NRG3: variants seen among roughly 807,000 people sequenced by gnomAD.
NRG3 encodes the protein pro-neuregulin-3, membrane-bound isoform.
A neutral mutation model predicts 66.9 loss-of-function variants in NRG3; 31 were observed. The observed-to-expected ratio is 0.46, with a 90% confidence interval of 0.35 to 0.63. NRG3 has a LOEUF of 0.63. NRG3 is among the 20% of genes least tolerant of loss of function. The pLI, the probability that NRG3 is intolerant of heterozygous loss-of-function variation, is 0.00. For missense variants in NRG3, 910 were observed against 878.9 expected (o/e 1.04, Z -0.45); for synonymous variants, 393 against 359.4 (o/e 1.09, Z -1.06).
intron 3 of NRG3, among the ~76,000 whole-genome samples, chr10:82,831,641 C>T (rs1247049752): frequency 6.6e-6 from 1 of 152,000 alleles, no homozygotes; most frequent in Non-Finnish European, 1.5e-5. Context: ...AGGGTGAAAC[C>T]TGTCTCTACT....
At chr10:82,104,529 G>A (rs1200433726) in intron 1 of NRG3, among the ~76,000 whole-genome samples, 1 of 152,128 alleles carries the variant, frequency 6.6e-6, no homozygotes, top group Non-Finnish European at 1.5e-5. Flanking sequence ...CAGTAAAACT[G>A]TTCTTAGACA....
rs530493142 is a variant in NRG3, at chr10:82,124,569, G to C, written c.824-234170G>C. On this transcript the variant is annotated intron_variant, in intron 1 of 8. Coordinates refer to ENST00000372141, the MANE Select transcript of NRG3 (RefSeq NM_001010848.4). Reference sequence around the variant, plus strand: ...GTCACACAACGGGGCCTGTCGGGGGGTGGAGGGCAAGAGGAGGGAGAACAT... The same window carrying C: ...GTCACACAACGGGGCCTGTCGGGGGCTGGAGGGCAAGAGGAGGGAGAACAT... Among the ~76,000 whole-genome samples, 183 of 151,820 alleles carry C rather than the reference G, an allele frequency of 1.2e-3. 3 individuals are homozygous for C. The highest frequency in any genetic ancestry group is 2.0e-3 in the Non-Finnish European group (138 of 67,912).
intron 2 of NRG3, among the ~76,000 whole-genome samples, chr10:82,483,090 G>A (rs1320001394): frequency 1.3e-5 from 2 of 152,096 alleles, no homozygotes; most frequent in East Asian, 3.9e-4. Flanking sequence ...GGGCAGATGG[G>A]CCCAAACAGA....
intron 1 of NRG3, among the ~76,000 whole-genome samples, chr10:82,137,565 T>C (rs147281253): frequency 3.3e-5 from 5 of 152,280 alleles, no homozygotes; most frequent in African/African-American, 1.2e-4. Flanking sequence ...TGATCAGTTA[T>C]TTAGACACAT....
chr10:82,018,956 G>T (rs1357753049), intron 1 of NRG3, among the ~76,000 whole-genome samples: 1 of 152,100 alleles, frequency 6.6e-6, no homozygotes, highest in African/African-American at 2.4e-5. Flanking sequence ...GCCCTGGCCA[G>T]AACTTCCAAC....
chr10:82,718,527 G>A (rs1005938321), intron 2 of NRG3, among the ~76,000 whole-genome samples: 1 of 152,146 alleles, frequency 6.6e-6, no homozygotes, highest in African/African-American at 2.4e-5. Context: ...GAAAACTCAT[G>A]GTCAAAAAGG....
In NRG3 at chr10:82,571,808, T is replaced by C. The variant is rs560307804; in HGVS notation, c.954-166769T>C. Among the ~76,000 whole-genome samples the C allele has an allele frequency of 1.4e-3, 208 of 151,772 alleles. No homozygotes were observed. In the Middle Eastern group the frequency reaches 0.024, roughly 17 times the overall value. The stretch of plus-strand genomic sequence containing the variant: ...ATACAAAAAGCCCATGGTGAATAAC[T>C]AGTGATTACTTTGTATAAATAAAAA... On this transcript the variant is annotated intron_variant, in intron 2 of 8. Transcript: ENST00000372141.
chr10:82,052,836 G>A (rs1407748118), intron 1 of NRG3, among the ~76,000 whole-genome samples: 5 of 152,034 alleles, frequency 3.3e-5, no homozygotes, highest in Admixed American at 3.3e-4. Flanking sequence ...ATTAAAAATG[G>A]ACATAAGGAA....
chr10:82,612,352 C>G (rs1357074095), intron 2 of NRG3, among the ~76,000 whole-genome samples: 1 of 151,388 alleles, frequency 6.6e-6, no homozygotes, highest in African/African-American at 2.4e-5. Flanking sequence ...TTTTTAATTG[C>G]TTTTGTTTAA....
intron 1 of NRG3, among the ~76,000 whole-genome samples, chr10:82,111,905 C>G (rs760440299): frequency 6.6e-6 from 1 of 152,136 alleles, no homozygotes; most frequent in African/African-American, 2.4e-5. Flanking sequence ...TCCTTTTCTA[C>G]TAATCCAATA....
intron 3 of NRG3, among the ~76,000 whole-genome samples, chr10:82,768,490 G>A (rs1239363869): frequency 6.6e-6 from 1 of 152,014 alleles, no homozygotes; most frequent in Non-Finnish European, 1.5e-5. Flanking sequence ...GATGCATGTG[G>A]TTAATCCCTC....
chr10:82,663,132 A>G (rs2052496959), intron 2 of NRG3, among the ~76,000 whole-genome samples: 1 of 152,232 alleles, frequency 6.6e-6, no homozygotes, highest in Non-Finnish European at 1.5e-5. Flanking sequence ...GCAAAAAGGT[A>G]TAATTATTCC....
Position 82,600,327 on chromosome 10 carries a change from GA to G in NRG3, c.954-138242del, listed in dbSNP as rs1034752917. Among the ~76,000 whole-genome samples, 7 of 151,394 alleles carry G rather than the reference GA, an allele frequency of 4.6e-5. No individual in the cohort carries two copies. The East Asian group carries it at 5.8e-4, about 13-fold the overall frequency. On this transcript the variant is annotated intron_variant, in intron 2 of 8. Coordinates refer to ENST00000372141, the MANE Select transcript of NRG3 (RefSeq NM_001010848.4). Reference sequence around the variant, plus strand: ...ACACATATTAACATGTATAAATTCTGAAAAAAAATGTAATAATTACAATTTC... The same window carrying G: ...ACACATATTAACATGTATAAATTCTGAAAAAAATGTAATAATTACAATTTC...
intron 1 of NRG3, among the ~76,000 whole-genome samples, chr10:82,005,147 T>G (rs932521): frequency 6.6e-6 from 1 of 152,206 alleles, no homozygotes; most frequent in Non-Finnish European, 1.5e-5. Context: ...CACAAAGTGT[T>G]GTAGATCTTT....
At chr10:82,565,661 G>A (rs1220371433) in intron 2 of NRG3, among the ~76,000 whole-genome samples, 1 of 152,054 alleles carries the variant, frequency 6.6e-6, no homozygotes. Context: ...GAGAATTTGT[G>A]ATGCACACCT....
At chr10:82,838,729 T>C (rs1183576160) in intron 3 of NRG3, among the ~76,000 whole-genome samples, 2 of 152,078 alleles carry the variant, frequency 1.3e-5, no homozygotes, top group Non-Finnish European at 2.9e-5. Flanking sequence ...TATATACATA[T>C]ACACACACAC....
intron 2 of NRG3, among the ~76,000 whole-genome samples, chr10:82,611,075 A>G (rs74146125): frequency 0.025 from 3,844 of 152,068 alleles, 172 homozygotes; most frequent in East Asian, 0.21. Flanking sequence ...CACTGATTTT[A>G]TACAGAAACA....
intron 1 of NRG3, among the ~76,000 whole-genome samples, chr10:82,158,078 A>G (rs955206835): frequency 1.3e-5 from 2 of 151,712 alleles, no homozygotes; most frequent in South Asian, 4.2e-4. Flanking sequence ...TAGTTTAGAA[A>G]ACATGATCTC....
intron 2 of NRG3, among the ~76,000 whole-genome samples, chr10:82,583,903 A>G (rs1286699279): frequency 6.6e-6 from 1 of 152,188 alleles, no homozygotes; most frequent in Middle Eastern, 3.2e-3. Context: ...CTTGCAGCCA[A>G]ATGAACATGG....
Sources: gnomAD v4.1 joint callset for allele counts (sites outside exome capture counted in the v4.1 genomes callset) on GRCh38, gnomAD v4.1.1 for gene constraint, MANE v1.5 for transcripts, NCBI Gene and HGNC (gene_info 2026-07-23, HGNC 2026-07-21) for gene names.